The following AKAP6 variants were observed in gnomAD, a reference collection of about 807,000 sequenced individuals.
The protein encoded by AKAP6 is A-kinase anchoring protein 6, also known as A-kinase anchor protein 6.
In AKAP6, 58 loss-of-function variants were observed where a neutral mutation model predicts 188.5. The observed-to-expected ratio is 0.31, with a 90% CI of 0.25 to 0.38. The LOEUF is 0.38. Ranked by LOEUF, AKAP6 falls within the 10% of genes least tolerant of loss-of-function variation. The pLI is 1.00. For missense variants in AKAP6, 2,710 were observed against 2,740.0 expected (o/e 0.99, Z 0.24); for synonymous variants, 989 against 998.6 (o/e 0.99, Z 0.18).
chr14:32,800,055 C>A lies in AKAP6; in HGVS notation c.3589-21347C>A, dbSNP rs796240614. 2.6e-3 allele frequency among the ~76,000 whole-genome samples: 282 copies of A among 108,012 alleles called. 1 individual carries two copies. Among genetic ancestry groups the A allele is most frequent in the Middle Eastern group, 4.3e-3 (1 of 230 alleles). The allele number at this position is 108,012 out of a possible 152,430, so 70.9% of individuals were successfully genotyped here. ...CAAAACCCTGTCTCTCTCTCTCTCT[C>A]TCTCTCTATATATATAGAAATATAT... is the stretch of plus-strand genomic sequence containing the variant. On this transcript the variant is annotated intron_variant, in intron 12 of 13. Transcript: ENST00000280979.
In AKAP6 at chr14:32,580,587, T is replaced by A. The variant is rs138942377; in HGVS notation, c.2469+3345T>A. Among the ~76,000 whole-genome samples the A allele has an allele frequency of 3.2e-3, 491 of 152,306 alleles. 3 individuals are homozygous for A. Among genetic ancestry groups the A allele is most frequent in the African/African-American group, 9.6e-3 (401 of 41,572 alleles). On this transcript the variant is annotated intron_variant, in intron 5 of 13. Coordinates refer to ENST00000280979, the MANE Select transcript of AKAP6 (RefSeq NM_004274.5). Reference sequence around the variant, plus strand: ...TATTATTATACTTTAAGTTTTAGGGTACATGTGCACAACGTGCAGGTTAGT... The same window carrying A: ...TATTATTATACTTTAAGTTTTAGGGAACATGTGCACAACGTGCAGGTTAGT...
intron 12 of AKAP6, among the ~76,000 whole-genome samples, chr14:32,817,475 G>C (rs879815244): frequency 0.021 from 2,729 of 130,068 alleles, 33 homozygotes; most frequent in Non-Finnish European, 0.032. Context: ...GTGTGTGTGT[G>C]TGTGTGTGTC....
At chr14:32,354,091 A>G (rs1053704770) in intron 1 of AKAP6, among the ~76,000 whole-genome samples, 3 of 152,178 alleles carry the variant, frequency 2.0e-5, no homozygotes, top group East Asian at 1.9e-4. Context: ...CTTTGTTCAC[A>G]GAATTGGAAA....
intron 2 of AKAP6, chr14:32,484,856 G>A (rs1879589677): frequency 4.5e-6 from 1 of 220,598 alleles, no homozygotes. Flanking sequence ...TCTAAAGACA[G>A]GGGCTAAGCC....
At chr14:32,409,423 T>G (rs1889406564) in intron 1 of AKAP6, among the ~76,000 whole-genome samples, 1 of 152,074 alleles carries the variant, frequency 6.6e-6, no homozygotes, top group African/African-American at 2.4e-5. Context: ...TTTTCCCCTT[T>G]AAAGGCTAGA....
chr14:32,375,398 C>A (rs548021558), intron 1 of AKAP6, among the ~76,000 whole-genome samples: 76 of 151,886 alleles, frequency 5.0e-4, no homozygotes, highest in African/African-American at 1.8e-3. Flanking sequence ...TTTGGAAGTA[C>A]TCTCTGGAAT....
intron 4 of AKAP6, among the ~76,000 whole-genome samples, chr14:32,558,878 C>T (rs1883805882): frequency 6.6e-6 from 1 of 152,112 alleles, no homozygotes; most frequent in South Asian, 2.1e-4. Flanking sequence ...CACTTTTGCT[C>T]GCATCCCACT....
rs1178864613 is a variant in AKAP6 at position 32,831,692 on chromosome 14, T to C, written c.*1887T>C. On this transcript the variant is annotated 3_prime_UTR_variant, in exon 14 of 14. Transcript: ENST00000280979. The stretch of plus-strand genomic sequence containing the variant: ...TTGCAGAGCTGAGGAACAGAGCAAA[T>C]GTAGTGATAGAAGCGCAATGAGAGA... 4 of 151,976 alleles carry C rather than the reference T, an allele frequency of 2.6e-5. No homozygotes were observed. The highest frequency in any genetic ancestry group is 7.3e-5 in the African/African-American group (3 of 41,348). The allele number at this position is 151,976 out of a possible 1,614,324, so 9.4% of individuals were successfully genotyped here. A position where few individuals can be genotyped will look rare whatever the true frequency, so the allele number is the denominator to read the frequency against.
At chr14:32,658,772 GTCT>G (rs1888560578) in intron 7 of AKAP6, among the ~76,000 whole-genome samples, 1 of 136,362 alleles carries the variant, frequency 7.3e-6, no homozygotes, top group East Asian at 2.1e-4. Flanking sequence ...CATTTTTAAA[GTCT>G]TCTTTAAAAA....
At chr14:32,495,183 T>A (rs1880243166) in intron 2 of AKAP6, 1 of 152,154 alleles carries the variant, frequency 6.6e-6, no homozygotes, top group Non-Finnish European at 1.5e-5. Flanking sequence ...AAGTCATATG[T>A]TATGTTTTAG....
intron 1 of AKAP6, among the ~76,000 whole-genome samples, chr14:32,361,111 G>A (rs1017355007): frequency 6.7e-6 from 1 of 148,438 alleles, no homozygotes; most frequent in Non-Finnish European, 1.5e-5. Flanking sequence ...TGGACAGGTG[G>A]AACCTAGTGA....
At chr14:32,412,561 G>A (rs1466044331) in intron 1 of AKAP6, among the ~76,000 whole-genome samples, 1 of 152,118 alleles carries the variant, frequency 6.6e-6, no homozygotes, top group African/African-American at 2.4e-5. Context: ...AATAATGCAG[G>A]CATTATGCAT....
At chr14:32,449,246 GCCTGTAAC>G (rs1420531468) in intron 2 of AKAP6, among the ~76,000 whole-genome samples, 1 of 152,182 alleles carries the variant, frequency 6.6e-6, no homozygotes, top group Non-Finnish European at 1.5e-5. Context: ...AGTGACTCAT[GCCTGTAAC>G]CCCAGCACTT....
intron 7 of AKAP6, among the ~76,000 whole-genome samples, chr14:32,601,749 C>T (rs957607885): frequency 6.6e-6 from 1 of 152,182 alleles, no homozygotes. Context: ...TGTAGATTGG[C>T]ATTGTGCTAA....
chr14:32,797,933 A>C, intron 12 of AKAP6, among the ~76,000 whole-genome samples: 1 of 151,856 alleles, frequency 6.6e-6, no homozygotes, highest in South Asian at 2.1e-4. Flanking sequence ...CAGAAAAAAA[A>C]AAAAAAACCA....
chr14:32,584,741 A>T (rs1282798969), intron 5 of AKAP6, among the ~76,000 whole-genome samples: 1 of 152,176 alleles, frequency 6.6e-6, no homozygotes, highest in South Asian at 2.1e-4. Flanking sequence ...TAATAAAACA[A>T]TATGTATTTT....
intron 1 of AKAP6, among the ~76,000 whole-genome samples, chr14:32,387,096 C>T (rs1016002300): frequency 4.6e-5 from 7 of 151,808 alleles, no homozygotes; most frequent in African/African-American, 1.7e-4. Context: ...TCAGCTTGGT[C>T]GCTGTTGGTG....
intron 8 of AKAP6, among the ~76,000 whole-genome samples, chr14:32,683,732 C>A (rs979879924): frequency 2.0e-5 from 3 of 152,106 alleles, no homozygotes; most frequent in Non-Finnish European, 4.4e-5. Context: ...TGCAAACAGC[C>A]AGAATCACTA....
intron 2 of AKAP6, among the ~76,000 whole-genome samples, chr14:32,439,881 A>G (rs1890513330): frequency 6.6e-6 from 1 of 152,180 alleles, no homozygotes; most frequent in African/African-American, 2.4e-5. Context: ...GGTTTCCAGC[A>G]CATCTTAAAT....
Sources: allele counts gnomAD v4.1 joint callset (sites outside exome capture counted in the v4.1 genomes callset), GRCh38; gene constraint gnomAD v4.1.1; transcripts MANE v1.5; gene names NCBI Gene and HGNC (gene_info 2026-07-23, HGNC 2026-07-21).